Variants in TNFAIP2 observed in about 807,000 individuals in gnomAD.
TNFAIP2 encodes the protein TNF alpha induced protein 2.
TNFAIP2 carries 47 observed loss-of-function variants against 63.5 expected under a neutral mutation model. The ratio of observed to expected loss-of-function variants is 0.74; its 90% CI spans 0.59 to 0.94. TNFAIP2 has a LOEUF of 0.94. Ranked by LOEUF, TNFAIP2 falls within the 40% of genes least tolerant of loss-of-function variation. The pLI is 0.00. For synonymous variants in TNFAIP2, 405 were observed against 390.2 expected (o/e 1.04, Z -0.45); for missense variants, 787 against 850.2 (o/e 0.93, Z 0.92).
At position 103,135,577 on chromosome 14, in the gene TNFAIP2, C is replaced by G; in HGVS notation, c.*217C>G. ...TCCGATGGGGGCAGGAGCTCCCATC[C>G]TGGGCAGCCAACCAGGCAACACCAA... On this transcript the variant is annotated 3_prime_UTR_variant, in exon 12 of 12. Transcript: ENST00000560869. This position sits in a 1 kb window ranked among gnomAD's most constrained non-coding sequence, Gnocchi z 7.6. The G allele has an allele frequency of 7.1e-7, 1 of 1,418,186 alleles. No homozygotes were observed. 87.9% of individuals were successfully genotyped at this position (1,418,186 alleles called of 1,614,324 possible).
rs749206 is a variant in TNFAIP2 at position 103,131,228 on chromosome 14, G to A, written c.1298+78G>A. The stretch of plus-strand genomic sequence containing the variant: ...GAGGGGAGCTGGAAGGTGGAGGGAG[G>A]AGGAGCTGCTTAGGCCAAGAAGTGG... On this transcript the variant is annotated intron_variant, in intron 7 of 11. Transcript: ENST00000560869. This position sits in a 1 kb window ranked among gnomAD's most constrained non-coding sequence, Gnocchi z 4.0. 0.76 allele frequency: 1,152,476 copies of A among 1,509,658 alleles called. 441,951 individuals are homozygous for A. Among genetic ancestry groups the A allele is most frequent in the African/African-American group, 0.82 (59,718 of 73,060 alleles). The allele number at this position is 1,509,658 out of a possible 1,614,324, so 93.5% of individuals were successfully genotyped here.
intron 1 of TNFAIP2, among the ~76,000 whole-genome samples, chr14:103,125,950 G>A (rs555391263): frequency 4.6e-5 from 7 of 152,278 alleles, no homozygotes; most frequent in Middle Eastern, 3.4e-3. Flanking sequence ...CTAGGGTCCC[G>A]TGGGATCCAG....
At chr14:103,125,041 G>A (rs2087824999) in intron 1 of TNFAIP2, among the ~76,000 whole-genome samples, 1 of 152,224 alleles carries the variant, frequency 6.6e-6, no homozygotes, top group Admixed American at 6.5e-5. Flanking sequence ...GCTGTGCTTG[G>A]GGCAAACACC....
Position 103,131,213 on chromosome 14 carries a change from G to A in TNFAIP2, c.1298+63G>A. 1 of 1,573,256 alleles carries A rather than the reference G, an allele frequency of 6.4e-7. No homozygotes were observed. Among genetic ancestry groups the A allele is most frequent in the East Asian group, 2.2e-5 (1 of 44,590 alleles). On this transcript the variant is annotated intron_variant, in intron 7 of 11. Transcript: ENST00000560869. This position sits in a 1 kb window ranked among gnomAD's most constrained non-coding sequence, Gnocchi z 4.0. ...ACTCAGCGGGCAGGAGAGGGGAGCT[G>A]GAAGGTGGAGGGAGGAGGAGCTGCT...
chr14:103,136,146 C>T lies in TNFAIP2; in HGVS notation c.*786C>T, dbSNP rs554168054. ...CAGGGACAGGCCCTGGGGGTGCCAC[C>T]GTGGGCCCTGCCACCCAGAAGTCTG... On this transcript the variant is annotated 3_prime_UTR_variant, in exon 12 of 12. Coordinates refer to ENST00000560869, the MANE Select transcript of TNFAIP2 (RefSeq NM_006291.4). 1.3e-4 allele frequency: 95 copies of T among 754,694 alleles called. No homozygotes were observed. Among genetic ancestry groups the T allele is most frequent in the South Asian group, 1.2e-3 (64 of 54,906 alleles). The allele number at this position is 754,694 out of a possible 1,614,324, so 46.7% of individuals were successfully genotyped here.
At position 103,135,535 on chromosome 14, in the gene TNFAIP2, C is replaced by T. The variant is rs1043319572; in HGVS notation, c.*175C>T. The T allele has an allele frequency of 3.4e-6, 5 of 1,463,664 alleles. No individual in the cohort carries two copies. The highest frequency in any genetic ancestry group is 4.5e-6 in the Non-Finnish European group (5 of 1,115,108). 90.7% of individuals were successfully genotyped at this position (1,463,664 alleles called of 1,614,324 possible). Reference sequence around the variant, plus strand: ...CCCTGTCAGCTGGAACTGGACAGACCTTGGTTTGTTTACATGTCCGATGGG... The same window carrying T: ...CCCTGTCAGCTGGAACTGGACAGACTTTGGTTTGTTTACATGTCCGATGGG... On this transcript the variant is annotated 3_prime_UTR_variant, in exon 12 of 12. Coordinates refer to ENST00000560869, the MANE Select transcript of TNFAIP2 (RefSeq NM_006291.4). The surrounding 1 kb of genome is among the most constrained non-coding windows in gnomAD (Gnocchi z 7.6).
intron 1 of TNFAIP2, among the ~76,000 whole-genome samples, 182 bp from the exon 2 acceptor site, chr14:103,126,128 C>T (rs909781646): frequency 2.0e-5 from 3 of 152,302 alleles, no homozygotes; most frequent in Admixed American, 1.3e-4. Flanking sequence ...GTGAGATGCT[C>T]GTGGCCAGGG....
rs368204192 is a variant in TNFAIP2 at position 103,131,164 on chromosome 14, G to C, written c.1298+14G>C. The C allele has an allele frequency of 6.2e-7, 1 of 1,613,810 alleles. No homozygotes were observed. The highest frequency in any genetic ancestry group is 1.7e-5 in the Admixed American group (1 of 60,024). On this transcript the variant is annotated intron_variant, in intron 7 of 11. Coordinates refer to ENST00000560869, the MANE Select transcript of TNFAIP2 (RefSeq NM_006291.4). This position sits in a 1 kb window ranked among gnomAD's most constrained non-coding sequence, Gnocchi z 4.0. ...CCTGTCCTTCCGGTGAGAGTGTTGG[G>C]AGGGGCTTGCGGGAGTGGGAGTCAC...
rs2139551351 is a variant in TNFAIP2, at chr14:103,127,131, G to A, written c.362G>A (p.Arg121His). 9.1e-7 allele frequency: 1 copy of A among 1,101,054 alleles called. No homozygotes were observed. The highest frequency in any genetic ancestry group is 1.1e-6 in the Non-Finnish European group (1 of 903,330). The allele number at this position is 1,101,054 out of a possible 1,614,324, so 68.2% of individuals were successfully genotyped here. A position where few individuals can be genotyped will look rare whatever the true frequency, so the allele number is the denominator to read the frequency against. ...GGVSEEELVR[R>H]QSKVEALYEL... is the part of the protein sequence containing the mutation. Reference sequence around the variant, plus strand: ...GTGAGCGAGGAGGAGCTGGTGCGGCGCCAGAGCAAGGTGGAGGCGCTGTAC... The same window carrying A: ...GTGAGCGAGGAGGAGCTGGTGCGGCACCAGAGCAAGGTGGAGGCGCTGTAC... The change falls in exon 3 of 12, where the codon CGC becomes CAC. Residue 121 changes from arginine to histidine, a missense_variant. This residue lies in a region of TNFAIP2 where 258 missense variants were observed against 228.9 expected (regional missense o/e 1.13). Coordinates refer to ENST00000560869, the MANE Select transcript of TNFAIP2 (RefSeq NM_006291.4). This position sits in a 1 kb window ranked among gnomAD's most constrained non-coding sequence, Gnocchi z 5.1.
Position 103,127,282 on chromosome 14 carries a change from G to T in TNFAIP2, c.513G>T (p.Ala171=). 1 of 991,370 alleles carries T rather than the reference G, an allele frequency of 1.0e-6. No individual in the cohort carries two copies. The allele number at this position is 991,370 out of a possible 1,614,324, so 61.4% of individuals were successfully genotyped here. A position where few individuals can be genotyped will look rare whatever the true frequency, so the allele number is the denominator to read the frequency against. ...QEREDRQAAA[A]GPGTSGLAAT... is the part of the protein sequence containing the mutation. The stretch of plus-strand genomic sequence containing the variant: ...GCGAGGACCGCCAGGCGGCGGCGGC[G>T]GGGCCGGGGACCTCGGGGCTGGCGG... Residue 171 remains alanine, a synonymous_variant, in exon 3 of 12, where the codon GCG becomes GCT. Transcript: ENST00000560869. This position sits in a 1 kb window ranked among gnomAD's most constrained non-coding sequence, Gnocchi z 5.1.
Position 103,131,904 on chromosome 14 carries a change from C to A in TNFAIP2, c.1422+142C>A. The A allele has an allele frequency of 8.0e-7, 1 of 1,247,472 alleles. No homozygotes were observed. The highest frequency in any genetic ancestry group is 1.1e-6 in the Non-Finnish European group (1 of 923,990). The allele number at this position is 1,247,472 out of a possible 1,614,324, so 77.3% of individuals were successfully genotyped here. On this transcript the variant is annotated intron_variant, in intron 8 of 11. Coordinates refer to ENST00000560869, the MANE Select transcript of TNFAIP2 (RefSeq NM_006291.4). This position sits in a 1 kb window ranked among gnomAD's most constrained non-coding sequence, Gnocchi z 4.0. ...GCCTGTGGACGGCACCGTGGGCCAGCTCTGGTGCAGCGGTGATGCCCGGTT... is the reference window on the plus strand; with the variant it reads ...GCCTGTGGACGGCACCGTGGGCCAGATCTGGTGCAGCGGTGATGCCCGGTT...
intron 8 of TNFAIP2, among the ~76,000 whole-genome samples, chr14:103,132,169 C>G (rs1398909844): frequency 6.6e-6 from 1 of 152,222 alleles, no homozygotes; most frequent in Non-Finnish European, 1.5e-5. Flanking sequence ...TATCCACCCC[C>G]ATCCCCGCGC....
In TNFAIP2 at chr14:103,131,675, C is replaced by T. The variant is rs1282720048; in HGVS notation, c.1335C>T (p.Asp445=). 6.2e-7 allele frequency: 1 copy of T among 1,605,136 alleles called. No homozygotes were observed. Among genetic ancestry groups the T allele is most frequent in the Non-Finnish European group, 8.5e-7 (1 of 1,178,930 alleles). ...AGCAGAATTGGCAGGTACCCCAGGA[C>T]ACCCTGAGCCTCCTGCTGGGCCCCC... ...SMEQNWQVPQ[D]TLSLLLGPLG... Residue 445 remains aspartate (D), a synonymous_variant, in exon 8 of 12, where the codon GAC becomes GAT. Coordinates refer to ENST00000560869, the MANE Select transcript of TNFAIP2 (RefSeq NM_006291.4). This position sits in a 1 kb window ranked among gnomAD's most constrained non-coding sequence, Gnocchi z 4.0.
Position 103,127,712 on chromosome 14 carries a change from G to C in TNFAIP2, c.860+83G>C. The C allele has an allele frequency of 7.2e-7, 1 of 1,384,850 alleles. No individual in the cohort carries two copies. Among genetic ancestry groups the C allele is most frequent in the Middle Eastern group, 2.1e-4 (1 of 4,746 alleles). The allele number at this position is 1,384,850 out of a possible 1,614,324, so 85.8% of individuals were successfully genotyped here. The stretch of plus-strand genomic sequence containing the variant: ...GTGTCGAGGGGTGTCGAGGTGTGCC[G>C]CCGGCAGCTTTTAGTGAGGTCGGTG... On this transcript the variant is annotated intron_variant, in intron 3 of 11. Coordinates refer to ENST00000560869, the MANE Select transcript of TNFAIP2 (RefSeq NM_006291.4). The surrounding 1 kb of genome is among the most constrained non-coding windows in gnomAD (Gnocchi z 5.1).
At chr14:103,133,861 G>A in intron 11 of TNFAIP2, 58 bp downstream of exon 11, 1 of 1,530,352 alleles carries the variant, frequency 6.5e-7, no homozygotes, top group Non-Finnish European at 8.7e-7. Flanking sequence ...AGGCCTCACA[G>A]GGCTGGCATT....
rs1199521753 is a variant in TNFAIP2, at chr14:103,130,258, C to T, written c.1099-57C>T. The stretch of plus-strand genomic sequence containing the variant: ...CTGTTCCCGCCTGTTTCCTCCCCGT[C>T]CCCTGCCCCCTTGTCCAGGCGAGCC... On this transcript the variant is annotated intron_variant, in intron 5 of 11. Transcript: ENST00000560869. The T allele has an allele frequency of 4.6e-6, 7 of 1,530,872 alleles. No homozygotes were observed. The Admixed American group carries it at 7.9e-5, about 17-fold the overall frequency. The allele number at this position is 1,530,872 out of a possible 1,614,324, so 94.8% of individuals were successfully genotyped here. A position where few individuals can be genotyped will look rare whatever the true frequency, so the allele number is the denominator to read the frequency against.
chr14:103,123,221 A>G (rs1052054053), upstream of TNFAIP2, among the ~76,000 whole-genome samples: 2 of 150,802 alleles, frequency 1.3e-5, no homozygotes, highest in Non-Finnish European at 3.0e-5. Context: ...ATACCATGCG[A>G]CGCGCGGCCA....
chr14:103,122,230 G>T (rs1891134968), upstream of TNFAIP2, among the ~76,000 whole-genome samples: 1 of 152,216 alleles, frequency 6.6e-6, no homozygotes, highest in East Asian at 1.9e-4. Flanking sequence ...ATGGCAATCC[G>T]AGTGCAAACC....
At chr14:103,128,024 G>A (rs572833795) in intron 3 of TNFAIP2, among the ~76,000 whole-genome samples, 319 of 152,298 alleles carry the variant, frequency 2.1e-3, no homozygotes, top group African/African-American at 7.4e-3. Context: ...GCCAGGCCCC[G>A]TGCAGAGCAT....
Sources: gnomAD v4.1 joint callset for allele counts (sites outside exome capture counted in the v4.1 genomes callset) on GRCh38, gnomAD v4.1.1 for gene constraint, gnomAD v4.1.1 regional missense constraint, Gnocchi (gnomAD v3.1) non-coding constraint, MANE v1.5 for transcripts, NCBI Gene and HGNC (gene_info 2026-07-23, HGNC 2026-07-21) for gene names.